Variants in TRAPPC9 observed in about 807,000 individuals in gnomAD.
The protein encoded by TRAPPC9 is IKK2 binding protein.
Under a neutral mutation model 124.0 loss-of-function variants are expected in TRAPPC9, and 83 were observed. The ratio of observed to expected loss-of-function variants is 0.67; its 90% CI spans 0.56 to 0.80. The LOEUF (loss-of-function observed/expected upper bound fraction) is 0.80, where lower values mean the gene tolerates loss of function less well. Among genes scored for constraint, TRAPPC9 ranks in the 30% least tolerant of loss-of-function variants. The pLI is 0.00. For synonymous variants in TRAPPC9, 638 were observed against 617.5 expected, an observed-to-expected ratio of 1.03 and a Z score of -0.49; for missense variants, 1,302 against 1,508.3, an observed-to-expected ratio of 0.86 and a Z score of 2.27.
chr8:140,067,362 C>T (rs776881286), intron 17 of TRAPPC9, among the ~76,000 whole-genome samples: 3 of 152,182 alleles, frequency 2.0e-5, no homozygotes, highest in Non-Finnish European at 2.9e-5. Context: ...CCAGGATGGT[C>T]TCGATCTCCT....
chr8:140,333,301 T>C (rs184494710), intron 9 of TRAPPC9, among the ~76,000 whole-genome samples: 14 of 152,338 alleles, frequency 9.2e-5, no homozygotes, highest in Admixed American at 9.1e-4. Flanking sequence ...AAAGGAAGCA[T>C]ATATTACTTG....
chr8:139,827,477 C>T (rs1055140002), intron 21 of TRAPPC9, among the ~76,000 whole-genome samples: 2 of 152,228 alleles, frequency 1.3e-5, no homozygotes, highest in East Asian at 1.9e-4. Flanking sequence ...AGGGTAGCAG[C>T]ATTTAGACGG....
intron 19 of TRAPPC9, among the ~76,000 whole-genome samples, chr8:139,935,669 C>CTTTTTTTTTTTT (rs377706417): frequency 1.5e-5 from 2 of 132,570 alleles, no homozygotes; most frequent in African/African-American, 2.8e-5. Context: ...TCAGTCTTTG[C>CTTTTTTTTTTTT]TTTTTTTTTT....
chr8:140,179,993 ATTTTT>A (rs71520259), intron 17 of TRAPPC9, among the ~76,000 whole-genome samples: 20 of 90,040 alleles, frequency 2.2e-4, no homozygotes, highest in African/African-American at 7.0e-4. Flanking sequence ...TTATATCTTG[ATTTTT>A]TTTTTTTTTT....
chr8:140,404,667 C>T (rs117797323), intron 6 of TRAPPC9, among the ~76,000 whole-genome samples: 465 of 152,156 alleles, frequency 3.1e-3, no homozygotes, highest in Non-Finnish European at 5.4e-3. Flanking sequence ...AAGATGTGCG[C>T]GTGTATGTGA....
chr8:139,741,649 C>A (rs1301661249), intron 21 of TRAPPC9, among the ~76,000 whole-genome samples: 2 of 152,062 alleles, frequency 1.3e-5, no homozygotes, highest in Middle Eastern at 6.3e-3. Flanking sequence ...AACCCTGTAC[C>A]CTTTTAGCCA....
intron 15 of TRAPPC9, among the ~76,000 whole-genome samples, chr8:140,271,514 G>A (rs1429915721): frequency 6.6e-6 from 1 of 152,106 alleles, no homozygotes; most frequent in Non-Finnish European, 1.5e-5. Flanking sequence ...CTCCAAGTCA[G>A]GAGAGATGGG....
intron 17 of TRAPPC9, among the ~76,000 whole-genome samples, chr8:140,157,596 T>C (rs1189883530): frequency 1.3e-5 from 2 of 152,106 alleles, no homozygotes; most frequent in African/African-American, 2.4e-5. Context: ...GCAATTAAAA[T>C]AAAAATCCAA....
At chr8:139,905,204 A>C (rs866812179) in intron 20 of TRAPPC9, among the ~76,000 whole-genome samples, 5 of 152,000 alleles carry the variant, frequency 3.3e-5, no homozygotes, top group Non-Finnish European at 7.4e-5. Context: ...CAGACATTAC[A>C]AACAAGCATG....
At chr8:140,256,620 C>T (rs772820519) in intron 15 of TRAPPC9, among the ~76,000 whole-genome samples, 2 of 152,120 alleles carry the variant, frequency 1.3e-5, no homozygotes. Flanking sequence ...AGTTCCTTTC[C>T]ACTGTGCTCT....
intron 18 of TRAPPC9, among the ~76,000 whole-genome samples, chr8:140,018,872 A>G (rs1839650171): frequency 8.4e-6 from 1 of 119,514 alleles, no homozygotes; most frequent in Admixed American, 8.5e-5. Flanking sequence ...TACGGTGGAA[A>G]CGTGCCTTGT....
intron 21 of TRAPPC9, among the ~76,000 whole-genome samples, chr8:139,880,801 C>G (rs1829632180): frequency 6.6e-6 from 1 of 152,220 alleles, no homozygotes; most frequent in African/African-American, 2.4e-5. Context: ...AACTGTGACA[C>G]TGCAAACAGG....
chr8:139,804,242 A>AC (rs1351719949), intron 21 of TRAPPC9, among the ~76,000 whole-genome samples: 1 of 119,586 alleles, frequency 8.4e-6, no homozygotes, highest in Non-Finnish European at 1.7e-5. Context: ...ACCACCCACC[A>AC]CCACCACCAA....
At chr8:139,817,079 C>CACACACACACACAT (rs376187685) in intron 21 of TRAPPC9, among the ~76,000 whole-genome samples, 4 of 151,090 alleles carry the variant, frequency 2.6e-5, no homozygotes, top group Admixed American at 6.6e-5. Context: ...CACACACACA[C>CACACACACACACAT]CAGCCACTGC....
At chr8:140,245,494 T>G (rs893983644) in intron 16 of TRAPPC9, among the ~76,000 whole-genome samples, 1 of 151,826 alleles carries the variant, frequency 6.6e-6, no homozygotes, top group African/African-American at 2.4e-5. Context: ...TGTGTGTGTC[T>G]GTAAAATACA....
intron 5 of TRAPPC9, among the ~76,000 whole-genome samples, chr8:140,416,512 G>A (rs2069933140): frequency 1.3e-5 from 2 of 152,064 alleles, no homozygotes; most frequent in Admixed American, 6.6e-5. Flanking sequence ...AACTTACAAG[G>A]GATGTGAAGG....
intron 16 of TRAPPC9, among the ~76,000 whole-genome samples, chr8:140,231,481 C>CTTTTTTTTTTTTTTTTTT (rs71320347): frequency 1.8e-5 from 1 of 56,954 alleles, no homozygotes; most frequent in Non-Finnish European, 3.1e-5. Context: ...ACTGCCTTTT[C>CTTTTTTTTTTTTTTTTTT]TTTTTTTTTT....
At chr8:140,382,367 G>A (rs1382913617) in intron 7 of TRAPPC9, among the ~76,000 whole-genome samples, 1 of 152,218 alleles carries the variant, frequency 6.6e-6, no homozygotes, top group African/African-American at 2.4e-5. Flanking sequence ...AAGCGCAAAG[G>A]GTCAGGGAAT....
intron 21 of TRAPPC9, among the ~76,000 whole-genome samples, chr8:139,883,205 C>T (rs1287691246): frequency 2.0e-5 from 3 of 152,240 alleles, no homozygotes; most frequent in Admixed American, 6.5e-5. Context: ...TCAGCTCCCT[C>T]GCCATGTGAT....
Sources: allele counts gnomAD v4.1 joint callset (sites outside exome capture counted in the v4.1 genomes callset), GRCh38; gene constraint gnomAD v4.1.1; transcripts MANE v1.5; gene names NCBI Gene and HGNC (gene_info 2026-07-23, HGNC 2026-07-21).